TNNT3: variants seen among roughly 807,000 people sequenced by gnomAD.
TNNT3 encodes the protein troponin T3, fast skeletal type.
Under a neutral mutation model 54.2 loss-of-function variants are expected in TNNT3, and 36 were observed. The observed-to-expected ratio is 0.66, with a 90% CI of 0.51 to 0.88. TNNT3 has a LOEUF of 0.88. Ranked by LOEUF, TNNT3 falls within the 40% of genes least tolerant of loss-of-function variation. The probability of loss-of-function intolerance (pLI) is 0.00; values close to 1 mark genes in which losing one functional copy is unlikely to be tolerated. For missense variants in TNNT3, 291 were observed against 331.6 expected, an observed-to-expected ratio of 0.88 and a Z score of 0.95; for synonymous variants, 120 against 109.7, an observed-to-expected ratio of 1.09 and a Z score of -0.59.
chr11:1,933,187 G>A (rs375476890), intron 9 of TNNT3, among the ~76,000 whole-genome samples: 21 of 115,290 alleles, frequency 1.8e-4, no homozygotes, highest in African/African-American at 5.2e-4. Context: ...CACCATCCAC[G>A]CATCCTCTAC....
chr11:1,924,934 C>A (rs1851108017), intron 4 of TNNT3, 165 bp from the exon 5 acceptor site: 2 of 755,578 alleles, frequency 2.6e-6, no homozygotes, highest in East Asian at 2.7e-5. Flanking sequence ...GCCAGAGATG[C>A]AGGACTGAGC....
Position 1,934,314 on chromosome 11 carries a change from G to T in TNNT3, c.367-18G>T, listed in dbSNP as rs770643755. The T allele has an allele frequency of 7.5e-6, 12 of 1,607,380 alleles. No homozygotes were observed. The highest frequency in any genetic ancestry group is 1.0e-5 in the Non-Finnish European group (12 of 1,174,448). ...CCTCTCTCCATCCCTGAGCATCTTG[G>T]GAATGGGGTCTCCACAGGAGGAAAA... is the stretch of plus-strand genomic sequence containing the variant. On this transcript the variant is annotated intron_variant, in intron 11 of 15. Transcript: ENST00000278317.
intron 14 of TNNT3, among the ~76,000 whole-genome samples, chr11:1,936,715 C>A (rs1401066158): frequency 1.3e-5 from 2 of 152,232 alleles, no homozygotes; most frequent in African/African-American, 4.8e-5. Context: ...CTACGGGCTG[C>A]TGTGTGTGGC....
At position 1,933,774 on chromosome 11, in the gene TNNT3, C is replaced by G. The variant is rs375914283; in HGVS notation, c.225C>G (p.Ile75Met). 6.8e-6 allele frequency: 11 copies of G among 1,612,766 alleles called. No homozygotes were observed. Among genetic ancestry groups the G allele is most frequent in the Non-Finnish European group, 9.3e-6 (11 of 1,179,928 alleles). The change falls in exon 10 of 16, where the codon ATC (isoleucine) becomes ATG (methionine). Residue 75 changes from isoleucine (I) to methionine (M), a missense_variant. Physicochemically the swap from Ile to Met is conservative, Grantham distance 10 (BLOSUM62 1). Transcript: ENST00000278317. ...ACCTAATGGAGCTCCAGGCCCTCAT[C>G]GACAGCCACTTTGAAGCCCGGAAGA... ...NKDLMELQAL[I>M]DSHFEARKKE...
chr11:1,934,488 G>A, intron 12 of TNNT3, 43 bp downstream of exon 12: 1 of 1,609,566 alleles, frequency 6.2e-7, no homozygotes, highest in Non-Finnish European at 8.5e-7. Context: ...CTTCAGTGTG[G>A]GCTACGCCCT....
Position 1,934,561 on chromosome 11 carries a change from G to A in TNNT3, c.496G>A (p.Gly166Ser), listed in dbSNP as rs775584381. 1.2e-6 allele frequency: 2 copies of A among 1,609,792 alleles called. No homozygotes were observed. Among genetic ancestry groups the A allele is most frequent in the Non-Finnish European group, 1.7e-6 (2 of 1,178,438 alleles). The change falls in exon 13 of 16, where the codon GGC (glycine) becomes AGC (serine). Residue 166 changes from glycine to serine, a missense_variant. Gly to Ser is a moderately conservative substitution (Grantham distance 56). Transcript: ENST00000278317. ...SYLAKADQKR[G>S]KKQTAREMKK... ...TCCGCTGCAGGCTGACCAGAAGAGA[G>A]GCAAGAAGCAGACAGCCCGGGAAAT... is the stretch of plus-strand genomic sequence containing the variant.
At chr11:1,934,978 G>A (rs942559265) in intron 14 of TNNT3, 59 bp downstream of exon 14, 4 of 1,531,604 alleles carry the variant, frequency 2.6e-6, no homozygotes, top group Non-Finnish European at 3.6e-6. Context: ...CAGCAGAGCA[G>A]CCATCTCCCT....
chr11:1,937,704 T>A (rs1213277093), intron 15 of TNNT3, among the ~76,000 whole-genome samples: 1 of 152,222 alleles, frequency 6.6e-6, no homozygotes, highest in Non-Finnish European at 1.5e-5. Flanking sequence ...CCTCCTCCTG[T>A]CGCCTTGGCT....
rs752697117 is a variant in TNNT3, at chr11:1,938,509, C to T, written c.*17C>T. 1.9e-6 allele frequency: 3 copies of T among 1,612,758 alleles called. No homozygotes were observed. On this transcript the variant is annotated 3_prime_UTR_variant, in exon 16 of 16. Transcript: ENST00000278317. ...TGGAAGTAGAGAGGCCAGAAAGGCC[C>T]CTCGAGGCAGAGACCCTCCGCCCTC...
intron 14 of TNNT3, chr11:1,935,168 C>T (rs1055469086): frequency 5.2e-5 from 30 of 581,608 alleles, no homozygotes; most frequent in Non-Finnish European, 8.6e-5. Context: ...CTTTGGGCGG[C>T]CTTGGTTACC....
At chr11:1,920,533 C>T (rs1005615620) in intron 1 of TNNT3, among the ~76,000 whole-genome samples, 1 of 131,778 alleles carries the variant, frequency 7.6e-6, no homozygotes, top group African/African-American at 2.8e-5. Flanking sequence ...CAGGCCTTGG[C>T]TGCCCCTCCT....
chr11:1,936,229 G>A (rs955896570), intron 14 of TNNT3: 8 of 1,613,758 alleles, frequency 5.0e-6, no homozygotes, highest in Non-Finnish European at 6.8e-6. Flanking sequence ...GAATGTCCGG[G>A]CCAGAGTGCA....
chr11:1,927,160 G>T (rs1851845766), intron 6 of TNNT3, among the ~76,000 whole-genome samples: 1 of 152,214 alleles, frequency 6.6e-6, no homozygotes, highest in Non-Finnish European at 1.5e-5. Flanking sequence ...GGAAGGGAGG[G>T]TGGAGGGGCA....
At chr11:1,928,773 T>C (rs1255352445) in intron 6 of TNNT3, among the ~76,000 whole-genome samples, 1 of 152,094 alleles carries the variant, frequency 6.6e-6, no homozygotes, top group South Asian at 2.1e-4. Context: ...GATGCCAAGG[T>C]TGGCCCTGCC....
chr11:1,923,441 A>G, intron 3 of TNNT3, 114 bp from the exon 4 acceptor site: 1 of 1,145,266 alleles, frequency 8.7e-7, no homozygotes, highest in Non-Finnish European at 1.3e-6. Flanking sequence ...GCTCTTGGGC[A>G]GGGGCAGTCG....
In TNNT3 at chr11:1,927,487, G is replaced by A. The variant is rs183683070; in HGVS notation, c.82+778G>A. ...TCCTCCCTGCCGGGCCTGAGCTCTT[G>A]CGTGACTCGAGCCTCGGAGAGGCCC... On this transcript the variant is annotated intron_variant, in intron 6 of 15. Coordinates refer to ENST00000278317, the MANE Select transcript of TNNT3 (RefSeq NM_006757.4). 2.3e-3 allele frequency among the ~76,000 whole-genome samples: 357 copies of A among 152,278 alleles called. 2 individuals carry two copies. The highest frequency in any genetic ancestry group is 8.3e-3 in the African/African-American group (344 of 41,556).
intron 9 of TNNT3, 113 bp downstream of exon 9, chr11:1,932,627 G>T: frequency 9.8e-7 from 1 of 1,024,684 alleles, no homozygotes; most frequent in Non-Finnish European, 1.5e-6. Flanking sequence ...GGGGCCTCCT[G>T]GGTCTGGGCA....
At chr11:1,926,382 G>C (rs559529449) in intron 5 of TNNT3, 1 of 1,553,806 alleles carries the variant, frequency 6.4e-7, no homozygotes, top group Non-Finnish European at 8.9e-7. Flanking sequence ...GAGTGGCGAC[G>C]GGCTTTTCCA....
intron 5 of TNNT3, chr11:1,926,397 C>A: frequency 1.3e-6 from 2 of 1,595,036 alleles, no homozygotes; most frequent in Non-Finnish European, 1.7e-6. Flanking sequence ...TTTCCATTAA[C>A]CTCGGACGCT....
Sources: allele counts gnomAD v4.1 joint callset (sites outside exome capture counted in the v4.1 genomes callset), GRCh38; gene constraint gnomAD v4.1.1; transcripts MANE v1.5; gene names NCBI Gene and HGNC (gene_info 2026-07-23, HGNC 2026-07-21).